Variants in IGFL2 observed in about 807,000 individuals in gnomAD.
IGFL2 encodes the protein insulin growth factor-like family member 2.
Under a neutral mutation model 13.9 loss-of-function variants are expected in IGFL2, and 7 were observed. That is an observed-to-expected ratio of 0.51 (90% CI 0.29 to 0.95). IGFL2 has a LOEUF of 0.95. Ranked by LOEUF, IGFL2 falls within the 40% of genes least tolerant of loss-of-function variation. The probability of loss-of-function intolerance (pLI) is 0.08; values close to 1 mark genes in which losing one functional copy is unlikely to be tolerated. For synonymous variants in IGFL2, 55 were observed against 55.8 expected, an observed-to-expected ratio of 0.99 and a Z score of 0.07; for missense variants, 138 against 147.8, an observed-to-expected ratio of 0.93 and a Z score of 0.34.
chr19:46,139,722 T>C (rs1280961401), upstream of IGFL2, among the ~76,000 whole-genome samples: 4 of 152,168 alleles, frequency 2.6e-5, no homozygotes, highest in African/African-American at 7.2e-5. Context: ...TGAAAGACTT[T>C]AATACACTTT....
At chr19:46,198,107 C>G in the IGFL2 span, 10 of 148,664 alleles carry the variant, frequency 6.7e-5, no homozygotes, top group Non-Finnish European at 1.5e-4. Context: ...TTCTTTCCCC[C>G]CTTCCTCCCT....
intron 1 of IGFL2, among the ~76,000 whole-genome samples, chr19:46,155,445 T>C (rs1470107481): frequency 6.6e-6 from 1 of 152,184 alleles, no homozygotes; most frequent in African/African-American, 2.4e-5. Context: ...CGCTGCTCTA[T>C]ACAGATTGAG....
the IGFL2 span, among the ~76,000 whole-genome samples, chr19:46,177,809 A>G: frequency 6.6e-6 from 1 of 152,114 alleles, no homozygotes; most frequent in African/African-American, 2.4e-5. Flanking sequence ...CTCTAAACCA[A>G]AAATAAAATC....
the IGFL2 span, among the ~76,000 whole-genome samples, chr19:46,183,100 C>T: frequency 3.3e-5 from 5 of 152,056 alleles, no homozygotes; most frequent in Non-Finnish European, 5.9e-5. Flanking sequence ...TCGGGAAACT[C>T]GACTTCAATT....
chr19:46,133,880 A>G, the IGFL2 span, among the ~76,000 whole-genome samples: 1 of 152,226 alleles, frequency 6.6e-6, no homozygotes, highest in Non-Finnish European at 1.5e-5. Flanking sequence ...CATGAGGTCA[A>G]AATAGTTTTC....
At chr19:46,147,962 C>G (rs1302533313), upstream of IGFL2, 4 of 332,492 alleles carry the variant, frequency 1.2e-5, no homozygotes, top group Non-Finnish European at 2.2e-5. Context: ...TCTTTCAAGT[C>G]TCTTTGCCGT....
At chr19:46,124,389 A>C in the IGFL2 span, 4 of 1,482,924 alleles carry the variant, frequency 2.7e-6, no homozygotes, top group African/African-American at 1.4e-5. Flanking sequence ...AAACAAACAA[A>C]CAAACAAACA....
At chr19:46,190,554 A>T in the IGFL2 span, 1 of 152,224 alleles carries the variant, frequency 6.6e-6, no homozygotes, top group Admixed American at 6.5e-5. Flanking sequence ...TGGATACCAA[A>T]TCTTAATAGA....
At chr19:46,086,697 CATGTTTCTTG>C in the IGFL2 span, among the ~76,000 whole-genome samples, 1 of 152,262 alleles carries the variant, frequency 6.6e-6, no homozygotes, top group Non-Finnish European at 1.5e-5. Flanking sequence ...CTTACTTTTT[CATGTTTCTTG>C]TGTTCTTACG....
the IGFL2 span, chr19:46,136,784 C>T: frequency 4.6e-6 from 3 of 651,596 alleles, no homozygotes; most frequent in Non-Finnish European, 8.7e-6. Context: ...TCTCTCCAAC[C>T]CGTTTGAGTG....
At chr19:46,122,077 C>T in the IGFL2 span, among the ~76,000 whole-genome samples, 1 of 151,102 alleles carries the variant, frequency 6.6e-6, no homozygotes, top group Non-Finnish European at 1.5e-5. Flanking sequence ...GCTTCACTTT[C>T]TTCTTTTTCT....
At chr19:46,188,754 T>C in the IGFL2 span, among the ~76,000 whole-genome samples, 1 of 152,224 alleles carries the variant, frequency 6.6e-6, no homozygotes, top group Non-Finnish European at 1.5e-5. Context: ...TCCTTGTTTG[T>C]CCTCTGATGC....
the IGFL2 span, chr19:46,208,204 C>T: frequency 6.6e-6 from 1 of 152,298 alleles, no homozygotes; most frequent in Admixed American, 6.5e-5. Flanking sequence ...TCAGTCACAT[C>T]CAGTGCACAT....
chr19:46,132,660 T>C, the IGFL2 span, among the ~76,000 whole-genome samples: 1 of 130,504 alleles, frequency 7.7e-6, no homozygotes, highest in Admixed American at 8.8e-5. Flanking sequence ...GGGAAAACGA[T>C]AGAGGGAGAG....
chr19:46,108,990 C>T, the IGFL2 span, among the ~76,000 whole-genome samples: 252 of 140,482 alleles, frequency 1.8e-3, no homozygotes, highest in African/African-American at 4.0e-3. Context: ...TCTGAGGACC[C>T]AAGATGGTAG....
chr19:46,088,143 T>C, the IGFL2 span, among the ~76,000 whole-genome samples: 1 of 152,204 alleles, frequency 6.6e-6, no homozygotes, highest in Non-Finnish European at 1.5e-5. Flanking sequence ...TTCCTTGCTT[T>C]TGGTGCCTCC....
chr19:46,184,051 C>G, the IGFL2 span, among the ~76,000 whole-genome samples: 6 of 152,160 alleles, frequency 3.9e-5, no homozygotes, highest in Non-Finnish European at 2.9e-5. Context: ...TCTTAACTTT[C>G]CAGTGATGAT....
At chr19:46,147,581 C>T (rs1973205610), upstream of IGFL2, among the ~76,000 whole-genome samples, 1 of 152,180 alleles carries the variant, frequency 6.6e-6, no homozygotes, top group Non-Finnish European at 1.5e-5. Flanking sequence ...AGCCTCAACC[C>T]AGCAACCAAT....
chr19:46,114,381 T>A, the IGFL2 span, among the ~76,000 whole-genome samples: 1 of 152,244 alleles, frequency 6.6e-6, no homozygotes, highest in East Asian at 1.9e-4. Flanking sequence ...TCTCCCAAAA[T>A]GGAAGTGATG....
Sources: allele counts gnomAD v4.1 joint callset (sites outside exome capture counted in the v4.1 genomes callset), GRCh38; gene constraint gnomAD v4.1.1; transcripts MANE v1.5; gene names NCBI Gene and HGNC (gene_info 2026-07-23, HGNC 2026-07-21).